Variants in BAZ2B observed in about 807,000 individuals in gnomAD.
The protein encoded by BAZ2B is bromodomain adjacent to zinc finger domain protein 2B.
BAZ2B carries 91 observed loss-of-function variants against 246.0 expected under a neutral mutation model. That is an observed-to-expected ratio of 0.37 (90% CI 0.31 to 0.44). BAZ2B has a LOEUF of 0.44. Among genes scored for constraint, BAZ2B ranks in the 20% least tolerant of loss-of-function variants. The pLI is 1.00. For missense variants in BAZ2B, 2,332 were observed against 2,533.7 expected, an observed-to-expected ratio of 0.92 and a Z score of 1.71; for synonymous variants, 855 against 860.0, an observed-to-expected ratio of 0.99 and a Z score of 0.10.
chr2:159,349,552 A>G (rs1317122408), intron 28 of BAZ2B, among the ~76,000 whole-genome samples, 156 bp downstream of exon 28: 1 of 152,234 alleles, frequency 6.6e-6, no homozygotes, highest in African/African-American at 2.4e-5. Context: ...AGTAGTTCTA[A>G]TGAACCTTGG....
intron 1 of BAZ2B, among the ~76,000 whole-genome samples, chr2:159,594,009 A>C (rs1235345768): frequency 6.6e-6 from 1 of 152,244 alleles, no homozygotes; most frequent in African/African-American, 2.4e-5. Context: ...AATACTGTGC[A>C]ACCTCCACCA....
At chr2:159,475,884 A>G (rs2078479838) in intron 3 of BAZ2B, among the ~76,000 whole-genome samples, 1 of 152,174 alleles carries the variant, frequency 6.6e-6, no homozygotes, top group African/African-American at 2.4e-5. Context: ...GCAGAACAGC[A>G]AAGATTGCTG....
chr2:159,705,956 G>A, the BAZ2B span, among the ~76,000 whole-genome samples: 1 of 140,114 alleles, frequency 7.1e-6, no homozygotes, highest in Admixed American at 7.2e-5. Context: ...ACATCAATAG[G>A]GATTTAGAGA....
intron 25 of BAZ2B, among the ~76,000 whole-genome samples, chr2:159,378,495 A>AAAC (rs2061647742): frequency 6.6e-6 from 1 of 152,200 alleles, no homozygotes; most frequent in Non-Finnish European, 1.5e-5. Flanking sequence ...ATGGCAAAGG[A>AAAC]AACAACAGAC....
rs746277280 is a variant in BAZ2B at position 159,431,045 on chromosome 2, T to G, written c.2012A>C (p.Lys671Thr). The part of the protein sequence containing the change: ...SDTEGEKTSM[K>T]LNKTTSSVKS... ...GACAGAGGAAGTTGTTTTATTCAGT[T>G]TCATTGAAGTTTTCTCTCCTTCAGT... The change falls in exon 10 of 37, where the codon AAA becomes ACA. Residue 671 changes from lysine to threonine, a missense_variant. This residue lies in a region of BAZ2B where 651 missense variants were observed against 650.9 expected (regional missense o/e 1.00). Coordinates refer to ENST00000392783, the MANE Select transcript of BAZ2B (RefSeq NM_013450.4). The G allele has an allele frequency of 6.2e-7, 1 of 1,614,030 alleles. No homozygotes were observed. The highest frequency in any genetic ancestry group is 1.7e-5 in the Admixed American group (1 of 60,010).
At chr2:159,510,321 G>A (rs1200447538) in intron 2 of BAZ2B, among the ~76,000 whole-genome samples, 1 of 152,036 alleles carries the variant, frequency 6.6e-6, no homozygotes, top group Admixed American at 6.6e-5. Flanking sequence ...GTGCCACCAT[G>A]CCCAGCTATT....
chr2:159,396,959 C>T, intron 19 of BAZ2B: 1 of 762,894 alleles, frequency 1.3e-6, no homozygotes. Flanking sequence ...TAAAGCCATG[C>T]AGCAGTATGT....
intron 6 of BAZ2B, among the ~76,000 whole-genome samples, chr2:159,445,535 G>C (rs1418312386): frequency 2.6e-5 from 4 of 152,162 alleles, no homozygotes; most frequent in Admixed American, 2.0e-4. Context: ...CACAGTCAAG[G>C]CTGACACACA....
At chr2:159,344,746 T>C (rs2149076332) in intron 31 of BAZ2B, among the ~76,000 whole-genome samples, 1 of 152,012 alleles carries the variant, frequency 6.6e-6, no homozygotes, top group South Asian at 2.1e-4. Context: ...CTGGAGGACA[T>C]TACTTTAAGT....
intron 27 of BAZ2B, among the ~76,000 whole-genome samples, chr2:159,369,476 G>A (rs533938269): frequency 1.3e-5 from 2 of 152,126 alleles, no homozygotes; most frequent in African/African-American, 2.4e-5. Context: ...TGTGATGGAA[G>A]GAGGGAATTG....
chr2:159,447,565 T>A (rs1219065208), intron 5 of BAZ2B, among the ~76,000 whole-genome samples: 1 of 152,186 alleles, frequency 6.6e-6, no homozygotes, highest in Non-Finnish European at 1.5e-5. Context: ...AGGTTATTAA[T>A]TTTAATGAAG....
chr2:159,692,162 T>TC, the BAZ2B span, among the ~76,000 whole-genome samples: 1 of 152,104 alleles, frequency 6.6e-6, no homozygotes, highest in Non-Finnish European at 1.5e-5. Context: ...CTTAATTTTT[T>TC]TTTTCTTTTT....
At chr2:159,463,837 T>G (rs112458088) in intron 3 of BAZ2B, 1 of 152,352 alleles carries the variant, frequency 6.6e-6, no homozygotes, top group African/African-American at 2.4e-5. Flanking sequence ...CCTGAGTAGT[T>G]GGGATTACAG....
At chr2:159,548,493 C>T (rs1458569923) in intron 2 of BAZ2B, among the ~76,000 whole-genome samples, 1 of 150,904 alleles carries the variant, frequency 6.6e-6, no homozygotes, top group Non-Finnish European at 1.5e-5. Context: ...TCAGTTTGGG[C>T]ATCTGTAGAA....
chr2:159,605,408 T>C (rs954586114), intron 1 of BAZ2B, among the ~76,000 whole-genome samples: 2 of 152,174 alleles, frequency 1.3e-5, no homozygotes, highest in Non-Finnish European at 2.9e-5. Flanking sequence ...AGTGCTGAGA[T>C]TATAAATATA....
At chr2:159,422,090 G>A (rs978210015) in intron 13 of BAZ2B, among the ~76,000 whole-genome samples, 3 of 152,148 alleles carry the variant, frequency 2.0e-5, no homozygotes, top group Admixed American at 6.5e-5. Context: ...AAAGCAATCA[G>A]AGAAGACAAA....
rs748114235 is a variant in BAZ2B at position 159,478,587 on chromosome 2, T to A, written c.133A>T (p.Ile45Phe). The A allele has an allele frequency of 8.1e-6, 13 of 1,608,118 alleles. No homozygotes were observed. The highest frequency in any genetic ancestry group is 1.3e-5 in the African/African-American group (1 of 74,574). The change falls in exon 3 of 37, where the codon ATC becomes TTC. Residue 45 changes from isoleucine (I) to phenylalanine (F), a missense_variant. Transcript: ENST00000392783. The part of the protein sequence containing the change: ...STGVASLSST[I>F]NPCGHLFRTA... ...AAAGGGTATTCACCACATGGGTTGATTGTAGAGCTAAGTGAAGCAACTCCA... is the reference window on the plus strand; with the variant it reads ...AAAGGGTATTCACCACATGGGTTGAATGTAGAGCTAAGTGAAGCAACTCCA...
rs199906901 is a variant in BAZ2B at position 159,429,152 on chromosome 2, C to T, written c.2255+48G>A. The T allele has an allele frequency of 1.4e-4, 184 of 1,281,950 alleles. No homozygotes were observed. The African/African-American group carries it at 2.4e-3, about 17-fold the overall frequency. The allele number at this position is 1,281,950 out of a possible 1,614,324, so 79.4% of individuals were successfully genotyped here. A position where few individuals can be genotyped will look rare whatever the true frequency, so the allele number is the denominator to read the frequency against. ...AGAAATCAAGTATACATCAAACTTG[C>T]ATAAATATATGGGGGAAAAAGAAAA... is the stretch of plus-strand genomic sequence containing the variant. On this transcript the variant is annotated intron_variant, in intron 11 of 36. Coordinates refer to ENST00000392783, the MANE Select transcript of BAZ2B (RefSeq NM_013450.4).
intron 23 of BAZ2B, 57 bp downstream of exon 23, chr2:159,385,098 T>G: frequency 4.0e-6 from 6 of 1,515,434 alleles, no homozygotes; most frequent in Non-Finnish European, 4.5e-6. Flanking sequence ...TGTATTACTT[T>G]TTGATTAGAA....
Sources: allele counts gnomAD v4.1 joint callset (sites outside exome capture counted in the v4.1 genomes callset), GRCh38; gene constraint gnomAD v4.1.1; regional missense constraint gnomAD v4.1.1; transcripts MANE v1.5; gene names NCBI Gene and HGNC (gene_info 2026-07-23, HGNC 2026-07-21).